The following SHISAL1 variants were observed in gnomAD, a reference collection of about 807,000 sequenced individuals.
The protein encoded by SHISAL1 is shisa like 1, also known as protein shisa-like-1.
A neutral mutation model predicts 22.6 loss-of-function variants in SHISAL1; 9 were observed. The observed-to-expected ratio is 0.40, with a 90% CI of 0.24 to 0.70. The LOEUF is 0.70. Ranked by LOEUF, SHISAL1 falls within the 30% of genes least tolerant of loss-of-function variation. The probability of loss-of-function intolerance (pLI) is 0.39; values close to 1 mark genes in which losing one functional copy is unlikely to be tolerated. For missense variants in SHISAL1, 246 were observed against 270.6 expected, an observed-to-expected ratio of 0.91 and a Z score of 0.64; for synonymous variants, 119 against 115.4, an observed-to-expected ratio of 1.03 and a Z score of -0.20.
rs74747740 is a variant in SHISAL1, at chr22:44,292,577, G to C, written c.281+4095C>G. ...AGGAGCCTGTGATATCGTGTGGCCGGGGCCCCAAATACAGACAGGCACAGA... is the reference window on the plus strand; with the variant it reads ...AGGAGCCTGTGATATCGTGTGGCCGCGGCCCCAAATACAGACAGGCACAGA... On this transcript the variant is annotated intron_variant, in intron 3 of 4. Coordinates refer to ENST00000381176, the MANE Select transcript of SHISAL1 (RefSeq NM_001099294.2). 6.3e-3 allele frequency among the ~76,000 whole-genome samples: 954 copies of C among 152,316 alleles called. 12 individuals are homozygous for C. Among genetic ancestry groups the C allele is most frequent in the African/African-American group, 0.022 (917 of 41,560 alleles).
At chr22:44,260,275 C>T (rs1444195448) in intron 4 of SHISAL1, among the ~76,000 whole-genome samples, 1 of 152,202 alleles carries the variant, frequency 6.6e-6, no homozygotes, top group African/African-American at 2.4e-5. Flanking sequence ...TACTAGACCT[C>T]GTTCTGTTCA....
chr22:44,253,638 C>CA (rs2055064942), intron 4 of SHISAL1, among the ~76,000 whole-genome samples: 2 of 145,112 alleles, frequency 1.4e-5, no homozygotes, highest in South Asian at 4.4e-4. Context: ...AATGAGATTT[C>CA]ACCATGTTGG....
chr22:44,322,119 G>A, the SHISAL1 span, among the ~76,000 whole-genome samples: 10 of 152,346 alleles, frequency 6.6e-5, no homozygotes, highest in East Asian at 1.9e-3. Context: ...TCCTGGCTTT[G>A]CAACATAGTG....
At chr22:44,291,159 C>T (rs1284850859) in intron 3 of SHISAL1, among the ~76,000 whole-genome samples, 1 of 152,208 alleles carries the variant, frequency 6.6e-6, no homozygotes, top group Non-Finnish European at 1.5e-5. Context: ...TTCACCACTG[C>T]CTTCTCCTTC....
Position 44,249,103 on chromosome 22 carries a change from G to A in SHISAL1, c.*582C>T, listed in dbSNP as rs6006706. 6,631 of 151,880 alleles carry A rather than the reference G, an allele frequency of 0.044. 377 individuals carry two copies. The highest frequency in any genetic ancestry group is 0.13 in the African/African-American group (5,569 of 41,290). The allele number at this position is 151,880 out of a possible 1,614,324, so 9.4% of individuals were successfully genotyped here. ...GTGCTTAGCAATAAGCTTGCGGCTC[G>A]GACATTGACACGGATGAGAACCCCC... On this transcript the variant is annotated 3_prime_UTR_variant, in exon 5 of 5. Transcript: ENST00000381176.
intron 4 of SHISAL1, among the ~76,000 whole-genome samples, chr22:44,256,067 G>A (rs1023648646): frequency 3.3e-5 from 5 of 152,176 alleles, no homozygotes; most frequent in African/African-American, 1.2e-4. Flanking sequence ...CTTTAAGTGG[G>A]GACATTGTTC....
chr22:44,286,101 T>C (rs1241739429), intron 3 of SHISAL1, among the ~76,000 whole-genome samples: 1 of 152,150 alleles, frequency 6.6e-6, no homozygotes, highest in Non-Finnish European at 1.5e-5. Context: ...CCTGGTGCTG[T>C]TTTGGTCTGC....
At chr22:44,329,417 G>A in the SHISAL1 span, among the ~76,000 whole-genome samples, 1 of 151,872 alleles carries the variant, frequency 6.6e-6, no homozygotes, top group Admixed American at 6.6e-5. Flanking sequence ...TCCAGGCTGG[G>A]TGGCTCAGGA....
rs2055508786 is a variant in SHISAL1, at chr22:44,310,213, C to G, written c.-33+2538G>C. 6.6e-6 allele frequency among the ~76,000 whole-genome samples: 1 copy of G among 152,238 alleles called. No individual in the cohort carries two copies. Among genetic ancestry groups the G allele is most frequent in the South Asian group, 2.1e-4 (1 of 4,828 alleles). ...CTGCTGAGACCATTTCGTTTTTGCT[C>G]ATCTCTATGGGCAGCACAGGCCTGA... On this transcript the variant is annotated intron_variant, in intron 1 of 4. Transcript: ENST00000381176. This position sits in a 1 kb window ranked among gnomAD's most constrained non-coding sequence, Gnocchi z 4.0.
chr22:44,283,707 G>A (rs1057412036), intron 4 of SHISAL1, among the ~76,000 whole-genome samples: 1 of 152,136 alleles, frequency 6.6e-6, no homozygotes, highest in African/African-American at 2.4e-5. Context: ...GTGCGGGAGT[G>A]GGGGAGGACC....
At chr22:44,311,063 G>A (rs970539900) in intron 1 of SHISAL1, among the ~76,000 whole-genome samples, 1 of 152,006 alleles carries the variant, frequency 6.6e-6, no homozygotes, top group South Asian at 2.1e-4. Flanking sequence ...CAACTTTTAC[G>A]GCCACCACCG....
chr22:44,318,079 C>G, the SHISAL1 span, among the ~76,000 whole-genome samples: 1 of 152,374 alleles, frequency 6.6e-6, no homozygotes, highest in South Asian at 2.1e-4. Context: ...GCCCCCCGAC[C>G]CAGTCCAGCC....
At chr22:44,327,334 A>T in the SHISAL1 span, among the ~76,000 whole-genome samples, 1 of 152,050 alleles carries the variant, frequency 6.6e-6, no homozygotes, top group African/African-American at 2.4e-5. Context: ...TTTCAGAGGC[A>T]CTGTGTCCTG....
chr22:44,322,956 T>A, the SHISAL1 span, among the ~76,000 whole-genome samples: 1 of 151,542 alleles, frequency 6.6e-6, no homozygotes, highest in Admixed American at 6.6e-5. Flanking sequence ...CATCCATCCA[T>A]CCATCCACCC....
At chr22:44,311,294 C>T (rs2055516485) in intron 1 of SHISAL1, among the ~76,000 whole-genome samples, 2 of 152,170 alleles carry the variant, frequency 1.3e-5, no homozygotes, top group African/African-American at 4.8e-5. Flanking sequence ...CACACTGCCA[C>T]GAAGGGTGCT....
At chr22:44,252,433 C>T (rs1237153725) in intron 4 of SHISAL1, among the ~76,000 whole-genome samples, 2 of 151,836 alleles carry the variant, frequency 1.3e-5, no homozygotes, top group African/African-American at 4.8e-5. Flanking sequence ...ACCATGGGAT[C>T]AAAAACGCAG....
chr22:44,292,145 A>G (rs1455410141), intron 3 of SHISAL1, among the ~76,000 whole-genome samples: 1 of 152,206 alleles, frequency 6.6e-6, no homozygotes, highest in East Asian at 1.9e-4. Flanking sequence ...CCCTGTCACC[A>G]GCCCCGCCTC....
At chr22:44,320,530 T>C in the SHISAL1 span, among the ~76,000 whole-genome samples, 3 of 152,198 alleles carry the variant, frequency 2.0e-5, no homozygotes, top group African/African-American at 2.4e-5. Context: ...TTTCACACTA[T>C]ATTTTCTAAT....
At chr22:44,329,724 C>A in the SHISAL1 span, among the ~76,000 whole-genome samples, 1 of 152,170 alleles carries the variant, frequency 6.6e-6, no homozygotes, top group East Asian at 1.9e-4. Context: ...AGAAGTGTCC[C>A]GCACTGAGCA....
Sources: gnomAD v4.1 joint callset for allele counts (sites outside exome capture counted in the v4.1 genomes callset) on GRCh38, gnomAD v4.1.1 for gene constraint, Gnocchi (gnomAD v3.1) non-coding constraint, MANE v1.5 for transcripts, NCBI Gene and HGNC (gene_info 2026-07-23, HGNC 2026-07-21) for gene names.